EPHA3: variants seen among roughly 807,000 people sequenced by gnomAD.
EPHA3 encodes EPH receptor A3.
Under a neutral mutation model 107.1 loss-of-function variants are expected in EPHA3, and 42 were observed. The observed-to-expected ratio is 0.39, with a 90% CI of 0.31 to 0.51. The LOEUF (loss-of-function observed/expected upper bound fraction) is 0.51, where lower values mean the gene tolerates loss of function less well. Ranked by LOEUF, EPHA3 falls within the 20% of genes least tolerant of loss-of-function variation. EPHA3 has a pLI of 0.78. For missense variants in EPHA3, 1,183 were observed against 1,211.2 expected (o/e 0.98, Z 0.35); for synonymous variants, 461 against 424.8 (o/e 1.09, Z -1.05).
At chr3:89,421,200 T>C (rs1396977933) in intron 11 of EPHA3, among the ~76,000 whole-genome samples, 3 of 151,350 alleles carry the variant, frequency 2.0e-5, no homozygotes, top group Non-Finnish European at 4.4e-5. Flanking sequence ...TAATCCTTAA[T>C]ATCTAAAACA....
At chr3:89,409,124 G>C (rs1709109615) in intron 9 of EPHA3, among the ~76,000 whole-genome samples, 1 of 152,010 alleles carries the variant, frequency 6.6e-6, no homozygotes, top group South Asian at 2.1e-4. Context: ...AGCAGTATAG[G>C]AGTTTGAAGA....
intron 3 of EPHA3, among the ~76,000 whole-genome samples, chr3:89,242,530 C>T (rs566788836): frequency 2.6e-5 from 4 of 152,198 alleles, no homozygotes; most frequent in African/African-American, 4.8e-5. Flanking sequence ...CTCCGCCTCC[C>T]GGGTTCACAC....
At chr3:89,423,897 C>T (rs1709401942) in intron 11 of EPHA3, among the ~76,000 whole-genome samples, 1 of 151,160 alleles carries the variant, frequency 6.6e-6, no homozygotes, top group Non-Finnish European at 1.5e-5. Flanking sequence ...TTTGTGTGTG[C>T]CCAAAGACAC....
chr3:89,446,343 G>A (rs960033267), intron 13 of EPHA3, among the ~76,000 whole-genome samples: 1 of 152,054 alleles, frequency 6.6e-6, no homozygotes, highest in Admixed American at 6.6e-5. Context: ...TTACAACAGA[G>A]CAAAAGAGGA....
At chr3:89,241,068 TC>T (rs1311171459) in intron 3 of EPHA3, among the ~76,000 whole-genome samples, 1 of 152,044 alleles carries the variant, frequency 6.6e-6, no homozygotes, top group Admixed American at 6.6e-5. Context: ...CCTTGTAGCT[TC>T]CTAGAGATAG....
At chr3:89,422,800 A>C (rs1415233741) in intron 11 of EPHA3, among the ~76,000 whole-genome samples, 1 of 151,456 alleles carries the variant, frequency 6.6e-6, no homozygotes, top group Non-Finnish European at 1.5e-5. Context: ...TATCATTTTC[A>C]AATCATTTGA....
At chr3:89,268,839 A>G (rs1245758127) in intron 3 of EPHA3, among the ~76,000 whole-genome samples, 1 of 151,882 alleles carries the variant, frequency 6.6e-6, no homozygotes, top group Non-Finnish European at 1.5e-5. Flanking sequence ...AAATAATTTT[A>G]CAAGTTTTTT....
At chr3:89,200,575 T>A (rs1705945913) in intron 2 of EPHA3, among the ~76,000 whole-genome samples, 1 of 152,228 alleles carries the variant, frequency 6.6e-6, no homozygotes, top group African/African-American at 2.4e-5. Context: ...CTCTCTTCAG[T>A]AGTTTCTCAC....
chr3:89,453,869 C>T (rs967467696), intron 15 of EPHA3, among the ~76,000 whole-genome samples: 11 of 152,114 alleles, frequency 7.2e-5, no homozygotes, highest in African/African-American at 2.2e-4. Flanking sequence ...CTACCCATAT[C>T]GTCCTTCTTT....
At chr3:89,114,470 C>A (rs1707203637) in intron 1 of EPHA3, among the ~76,000 whole-genome samples, 1 of 152,082 alleles carries the variant, frequency 6.6e-6, no homozygotes, top group Admixed American at 6.5e-5. Context: ...AAGATGAGAT[C>A]ATAAAAAAAC....
At chr3:89,220,005 G>A (rs942380282) in intron 3 of EPHA3, among the ~76,000 whole-genome samples, 1 of 151,998 alleles carries the variant, frequency 6.6e-6, no homozygotes, top group Non-Finnish European at 1.5e-5. Context: ...ACCGGGCAAT[G>A]TTTAAAAATA....
At chr3:89,205,111 C>A (rs1375920739) in intron 2 of EPHA3, among the ~76,000 whole-genome samples, 5 of 152,120 alleles carry the variant, frequency 3.3e-5, no homozygotes, top group African/African-American at 7.2e-5. Flanking sequence ...ATCTTGCAAT[C>A]TTAATATTTT....
At chr3:89,149,596 T>G (rs1306938448) in intron 2 of EPHA3, among the ~76,000 whole-genome samples, 3 of 151,710 alleles carry the variant, frequency 2.0e-5, no homozygotes, top group Non-Finnish European at 4.4e-5. Flanking sequence ...AACTCATCAT[T>G]TAACATTAGG....
chr3:89,420,458 T>C (rs971845731), intron 11 of EPHA3, among the ~76,000 whole-genome samples: 10 of 151,622 alleles, frequency 6.6e-5, no homozygotes, highest in African/African-American at 2.4e-4. Flanking sequence ...AATTTAACAA[T>C]GTGGAATAGT....
intron 15 of EPHA3, among the ~76,000 whole-genome samples, chr3:89,451,428 T>C (rs532235136): frequency 3.7e-4 from 56 of 152,314 alleles, no homozygotes; most frequent in African/African-American, 1.3e-3. Flanking sequence ...TTGATTCTCA[T>C]TGTAAGCATA....
chr3:89,338,388 C>G (rs1707439490), intron 3 of EPHA3, among the ~76,000 whole-genome samples: 1 of 152,166 alleles, frequency 6.6e-6, no homozygotes, highest in Non-Finnish European at 1.5e-5. Context: ...CTCTTCCAAC[C>G]ACCAATCACA....
At position 89,190,431 on chromosome 3, in the gene EPHA3, C is replaced by T. The variant is rs58452858; in HGVS notation, c.154-19429C>T. ...TTAACCAATTACCTATAAACATAGGCTTTATTTTAATATTAAACATTTAAA... is the reference window on the plus strand; with the variant it reads ...TTAACCAATTACCTATAAACATAGGTTTTATTTTAATATTAAACATTTAAA... On this transcript the variant is annotated intron_variant, in intron 2 of 16. Coordinates refer to ENST00000336596, the MANE Select transcript of EPHA3 (RefSeq NM_005233.6). Among the ~76,000 whole-genome samples the T allele has an allele frequency of 5.7e-3, 866 of 152,186 alleles. 6 individuals are homozygous for T. Among genetic ancestry groups the T allele is most frequent in the African/African-American group, 0.019 (809 of 41,524 alleles).
chr3:89,408,124 T>C lies in EPHA3; in HGVS notation c.1755T>C (p.Asn585=). The C allele has an allele frequency of 6.2e-7, 1 of 1,612,784 alleles. No individual in the cohort carries two copies. The highest frequency in any genetic ancestry group is 8.5e-7 in the Non-Finnish European group (1 of 1,178,996). Residue 585 remains asparagine (N), a synonymous_variant, in exon 9 of 17, where the codon AAT becomes AAC. Coordinates refer to ENST00000336596, the MANE Select transcript of EPHA3 (RefSeq NM_005233.6). The part of the protein sequence containing the change: ...GADEKRLHFG[N]GHLKLPGLRT... ...ATGAAAAAAGACTTCATTTTGGCAA[T>C]GGGCATTGTAAGTTTCTAAACTTGG...
At chr3:89,209,614 T>C (rs1302897160) in intron 2 of EPHA3, among the ~76,000 whole-genome samples, 2 of 152,314 alleles carry the variant, frequency 1.3e-5, no homozygotes, top group East Asian at 1.9e-4. Flanking sequence ...TTAGGCTCTA[T>C]TAACTGCTAA....
Sources: gnomAD v4.1 joint callset for allele counts (sites outside exome capture counted in the v4.1 genomes callset) on GRCh38, gnomAD v4.1.1 for gene constraint, MANE v1.5 for transcripts, NCBI Gene and HGNC (gene_info 2026-07-23, HGNC 2026-07-21) for gene names.